Variants in KCNAB1 observed in about 807,000 individuals in gnomAD.
KCNAB1 encodes potassium voltage-gated channel subfamily A regulatory beta subunit 1.
Under a neutral mutation model 64.6 loss-of-function variants are expected in KCNAB1, and 35 were observed. The ratio of observed to expected loss-of-function variants is 0.54; its 90% CI spans 0.41 to 0.72. The LOEUF is 0.72. Among genes scored for constraint, KCNAB1 ranks in the 30% least tolerant of loss-of-function variants. The pLI, the probability that KCNAB1 is intolerant of heterozygous loss-of-function variation, is 0.00. For synonymous variants in KCNAB1, 177 were observed against 183.8 expected (o/e 0.96, Z 0.30); for missense variants, 401 against 512.9 (o/e 0.78, Z 2.11).
rs1460427789 is a variant in KCNAB1 at position 156,120,836 on chromosome 3, C to T, written c.225C>T (p.Cys75=). 1 of 1,614,200 alleles carries T rather than the reference C, an allele frequency of 6.2e-7. No homozygotes were observed. The highest frequency in any genetic ancestry group is 8.5e-7 in the Non-Finnish European group (1 of 1,180,036). The change falls in exon 1 of 14, where the codon TGC becomes TGT. Residue 75 remains cysteine, a synonymous_variant. Transcript: ENST00000490337. ...EVEMNWYLKL[C]DLSSEHTTVC... ...AGATGAACTGGTACCTAAAGCTCTG[C>T]GACCTGTCCAGCGAGCACACCACCG... is the stretch of plus-strand genomic sequence containing the variant.
At chr3:156,352,568 T>G (rs1724925909) in intron 1 of KCNAB1, among the ~76,000 whole-genome samples, 1 of 152,250 alleles carries the variant, frequency 6.6e-6, no homozygotes, top group Non-Finnish European at 1.5e-5. Flanking sequence ...TATCCCATAC[T>G]TTAATGGCAG....
intron 1 of KCNAB1, among the ~76,000 whole-genome samples, chr3:156,351,514 C>A (rs1405676135): frequency 1.3e-5 from 2 of 152,300 alleles, no homozygotes; most frequent in African/African-American, 4.8e-5. Context: ...CCCCCAATTT[C>A]TTTTTACTTT....
intron 1 of KCNAB1, among the ~76,000 whole-genome samples, chr3:156,286,922 T>C (rs6769228): frequency 0.024 from 3,581 of 152,268 alleles, 170 homozygotes; most frequent in African/African-American, 0.081. Context: ...CTGAGTCTCA[T>C]GTTTCTTCAT....
intron 8 of KCNAB1, among the ~76,000 whole-genome samples, chr3:156,512,279 T>C (rs570854134): frequency 1.8e-3 from 280 of 152,364 alleles, no homozygotes; most frequent in Middle Eastern, 3.4e-3. Context: ...TTGTGTGTTG[T>C]ATAATTAAAT....
At chr3:156,312,332 TA>T (rs1721964025) in intron 1 of KCNAB1, among the ~76,000 whole-genome samples, 1 of 152,212 alleles carries the variant, frequency 6.6e-6, no homozygotes, top group South Asian at 2.1e-4. Flanking sequence ...AGGTTTTAAA[TA>T]GCGTGAAAAG....
At chr3:156,517,466 G>C (rs1293240218) in intron 11 of KCNAB1, among the ~76,000 whole-genome samples, 1 of 152,134 alleles carries the variant, frequency 6.6e-6, no homozygotes, top group African/African-American at 2.4e-5. Context: ...ATAAGGTCTT[G>C]CTTCTGAAAA....
chr3:156,144,598 CTGT>C (rs1714929898), intron 1 of KCNAB1, among the ~76,000 whole-genome samples: 1 of 152,172 alleles, frequency 6.6e-6, no homozygotes. Context: ...GGAGATGCTG[CTGT>C]TTCTTTCTGA....
intron 1 of KCNAB1, among the ~76,000 whole-genome samples, chr3:156,130,344 C>T (rs779581528): frequency 1.6e-4 from 24 of 152,164 alleles, no homozygotes; most frequent in Non-Finnish European, 2.6e-4. Flanking sequence ...ATTCCTTGAC[C>T]TTGAACAAGC....
intron 1 of KCNAB1, among the ~76,000 whole-genome samples, chr3:156,387,014 C>CTCTTTTTTTTTTTTTTTTTTTTTT (rs60888308): frequency 2.4e-4 from 22 of 90,526 alleles, no homozygotes; most frequent in African/African-American, 4.9e-4. Context: ...TTCTCTCTCT[C>CTCTTTTTTTTTTTTTTTTTTTTTT]TTTTTTTTTT....
intron 1 of KCNAB1, among the ~76,000 whole-genome samples, chr3:156,406,142 A>G (rs1421748727): frequency 6.6e-6 from 1 of 152,220 alleles, no homozygotes; most frequent in Non-Finnish European, 1.5e-5. Flanking sequence ...TTACATTGGT[A>G]TAAATTCAGA....
At chr3:156,345,543 A>G (rs899685856) in intron 1 of KCNAB1, among the ~76,000 whole-genome samples, 23 of 152,368 alleles carry the variant, frequency 1.5e-4, no homozygotes, top group African/African-American at 5.3e-4. Context: ...TTGTATGACT[A>G]CATTTGGCTG....
intron 1 of KCNAB1, among the ~76,000 whole-genome samples, chr3:156,412,949 A>G (rs889870158): frequency 1.3e-5 from 2 of 152,242 alleles, no homozygotes; most frequent in Non-Finnish European, 2.9e-5. Flanking sequence ...TGAATTTGAA[A>G]TATGCACTGA....
chr3:156,376,847 G>A (rs1423538372), intron 1 of KCNAB1, among the ~76,000 whole-genome samples: 1 of 152,144 alleles, frequency 6.6e-6, no homozygotes, highest in Non-Finnish European at 1.5e-5. Context: ...GAAGACCCAA[G>A]GCACTAAAGT....
chr3:156,302,077 C>T (rs554460092), intron 1 of KCNAB1, among the ~76,000 whole-genome samples: 7 of 152,196 alleles, frequency 4.6e-5, no homozygotes, highest in Non-Finnish European at 1.0e-4. Context: ...AAATCCATTT[C>T]CTTGCCTTTT....
chr3:156,142,399 C>T (rs1169418095), intron 1 of KCNAB1, among the ~76,000 whole-genome samples: 1 of 152,166 alleles, frequency 6.6e-6, no homozygotes, highest in Non-Finnish European at 1.5e-5. Context: ...ACATTTAAAT[C>T]CATGATCAAT....
chr3:156,158,304 C>G (rs1377069166), intron 1 of KCNAB1, among the ~76,000 whole-genome samples: 1 of 151,552 alleles, frequency 6.6e-6, no homozygotes, highest in Non-Finnish European at 1.5e-5. Context: ...TTTTGAAATT[C>G]TTTTTGAGAT....
At chr3:156,217,137 C>T (rs1458977714) in intron 1 of KCNAB1, 1 of 152,260 alleles carries the variant, frequency 6.6e-6, no homozygotes, top group East Asian at 1.9e-4. Context: ...GCCGCAGATT[C>T]CTACACGTCA....
intron 1 of KCNAB1, among the ~76,000 whole-genome samples, chr3:156,394,423 A>G (rs1713272885): frequency 6.6e-6 from 1 of 152,156 alleles, no homozygotes; most frequent in Admixed American, 6.5e-5. Context: ...AAAGCCTTGG[A>G]GGTGTTTCAG....
At chr3:156,189,930 G>A (rs1713453582) in intron 1 of KCNAB1, among the ~76,000 whole-genome samples, 1 of 152,160 alleles carries the variant, frequency 6.6e-6, no homozygotes, top group African/African-American at 2.4e-5. Flanking sequence ...TACCCATGCT[G>A]AATTGAAGGG....
Sources: allele counts gnomAD v4.1 joint callset (sites outside exome capture counted in the v4.1 genomes callset), GRCh38; gene constraint gnomAD v4.1.1; transcripts MANE v1.5; gene names NCBI Gene and HGNC (gene_info 2026-07-23, HGNC 2026-07-21).